BMPR1B: variants seen among roughly 807,000 people sequenced by gnomAD.
The protein encoded by BMPR1B is bone morphogenetic protein receptor type 1B, also known as bone morphogenetic protein receptor type-1B.
A neutral mutation model predicts 59.1 loss-of-function variants in BMPR1B; 12 were observed. That is an observed-to-expected ratio of 0.20 (90% CI 0.13 to 0.33). The LOEUF (loss-of-function observed/expected upper bound fraction) is 0.33, where lower values mean the gene tolerates loss of function less well. Among genes scored for constraint, BMPR1B ranks in the 10% least tolerant of loss-of-function variants. The probability of loss-of-function intolerance (pLI) is 1.00; values close to 1 mark genes in which losing one functional copy is unlikely to be tolerated. For synonymous variants in BMPR1B, 237 were observed against 207.3 expected (o/e 1.14, Z -1.23); for missense variants, 550 against 610.9 (o/e 0.90, Z 1.05).
In BMPR1B at chr4:95,121,564, A is replaced by T. The variant is rs1579113771; in HGVS notation, c.350-2246A>T. 2.0e-5 allele frequency among the ~76,000 whole-genome samples: 3 copies of T among 152,230 alleles called. No individual in the cohort carries two copies. In the East Asian group the frequency reaches 5.8e-4, roughly 29 times the overall value. The stretch of plus-strand genomic sequence containing the variant: ...CACACAAATAAGTAAACAAATAAAA[A>T]ATTTGAATGCAAATGTATGTATGCA... On this transcript the variant is annotated intron_variant, in intron 6 of 12. Transcript: ENST00000515059.
At chr4:94,785,023 T>C (rs558660166) in intron 1 of BMPR1B, among the ~76,000 whole-genome samples, 83 of 152,302 alleles carry the variant, frequency 5.4e-4, no homozygotes, top group Middle Eastern at 3.4e-3. Flanking sequence ...AAAGTTATGC[T>C]ATGGAGCAAA....
chr4:95,109,761 C>G (rs551481033), intron 4 of BMPR1B, among the ~76,000 whole-genome samples: 18 of 151,288 alleles, frequency 1.2e-4, no homozygotes, highest in East Asian at 3.9e-4. Context: ...CAATGTGCAG[C>G]TTTGTTACAT....
intron 11 of BMPR1B, 104 bp from the exon 12 acceptor site, chr4:95,152,539 C>T (rs1301405087): frequency 1.9e-6 from 2 of 1,041,268 alleles, no homozygotes; most frequent in East Asian, 2.8e-5. Context: ...CTGAACTTGT[C>T]TGTAATACTG....
At chr4:94,783,964 T>A (rs1722674389) in intron 1 of BMPR1B, among the ~76,000 whole-genome samples, 1 of 152,138 alleles carries the variant, frequency 6.6e-6, no homozygotes. Context: ...TTCTCTCATA[T>A]CGAGCTGGAG....
chr4:94,957,985 C>G (rs1730219873), intron 2 of BMPR1B, among the ~76,000 whole-genome samples: 1 of 152,018 alleles, frequency 6.6e-6, no homozygotes, highest in Non-Finnish European at 1.5e-5. Flanking sequence ...TATATATATT[C>G]TTAAAAATAT....
chr4:94,923,718 G>T (rs2149027314), intron 2 of BMPR1B, among the ~76,000 whole-genome samples: 1 of 152,190 alleles, frequency 6.6e-6, no homozygotes, highest in South Asian at 2.1e-4. Context: ...GTTCTTGTTG[G>T]AGGTGAAATA....
chr4:94,839,482 T>C (rs964962051), intron 1 of BMPR1B, among the ~76,000 whole-genome samples: 10 of 148,312 alleles, frequency 6.7e-5, no homozygotes, highest in African/African-American at 2.5e-4. Context: ...AGTTAACTCT[T>C]CTTGTTGAAT....
At position 95,156,734 on chromosome 4, in the gene BMPR1B, G is replaced by A. The variant is rs906327676; in HGVS notation, c.*2061G>A. 1 of 152,016 alleles carries A rather than the reference G, an allele frequency of 6.6e-6. No individual in the cohort carries two copies. The highest frequency in any genetic ancestry group is 2.4e-5 in the African/African-American group (1 of 41,398). 9.4% of individuals were successfully genotyped at this position (152,016 alleles called of 1,614,324 possible). ...CTGTAATCAGAACGCTGCTTCAATTGATATTAAAAATAACCTCAATAATAA... is the reference window on the plus strand; with the variant it reads ...CTGTAATCAGAACGCTGCTTCAATTAATATTAAAAATAACCTCAATAATAA... On this transcript the variant is annotated 3_prime_UTR_variant, in exon 13 of 13. Transcript: ENST00000515059.
At chr4:95,061,047 CATT>C (rs1727319935) in intron 3 of BMPR1B, among the ~76,000 whole-genome samples, 1 of 72,112 alleles carries the variant, frequency 1.4e-5, no homozygotes, top group Non-Finnish European at 3.0e-5. Flanking sequence ...TTGTTGTTAT[CATT>C]AACTGGAAAT....
At chr4:94,806,275 A>G (rs529061174) in intron 1 of BMPR1B, among the ~76,000 whole-genome samples, 18 of 152,308 alleles carry the variant, frequency 1.2e-4, no homozygotes, top group African/African-American at 3.6e-4. Flanking sequence ...TCTGCATGTC[A>G]GGCCCAGAAT....
At chr4:94,931,227 T>C (rs1260056702) in intron 2 of BMPR1B, among the ~76,000 whole-genome samples, 1 of 152,128 alleles carries the variant, frequency 6.6e-6, no homozygotes, top group Non-Finnish European at 1.5e-5. Context: ...GGGCCTGTTA[T>C]TTTTATGAAC....
chr4:94,900,790 A>C (rs187592967), intron 2 of BMPR1B, among the ~76,000 whole-genome samples: 3 of 152,122 alleles, frequency 2.0e-5, no homozygotes, highest in African/African-American at 7.2e-5. Context: ...AACTTACCAA[A>C]AAAGGGTATA....
At chr4:94,778,669 C>T (rs1048210612) in intron 1 of BMPR1B, among the ~76,000 whole-genome samples, 13 of 152,130 alleles carry the variant, frequency 8.5e-5, no homozygotes, top group Non-Finnish European at 1.9e-4. Flanking sequence ...TGTACCTCAT[C>T]CTAGTCCATA....
intron 3 of BMPR1B, among the ~76,000 whole-genome samples, chr4:95,052,570 T>A (rs995119935): frequency 7.2e-5 from 11 of 152,014 alleles, no homozygotes; most frequent in Admixed American, 7.2e-4. Context: ...AAAGTTCAGC[T>A]TTATGTACTT....
intron 10 of BMPR1B, among the ~76,000 whole-genome samples, chr4:95,143,603 C>T (rs954892646): frequency 6.6e-6 from 1 of 152,148 alleles, no homozygotes; most frequent in Non-Finnish European, 1.5e-5. Flanking sequence ...CAATGTAGAC[C>T]TCATACTCCA....
intron 10 of BMPR1B, among the ~76,000 whole-genome samples, chr4:95,135,652 G>A (rs1733719161): frequency 6.6e-6 from 1 of 152,072 alleles, no homozygotes; most frequent in South Asian, 2.1e-4. Context: ...CTCATGATTT[G>A]GCTCTCTGTT....
intron 1 of BMPR1B, among the ~76,000 whole-genome samples, chr4:94,795,514 G>C (rs1040872736): frequency 7.2e-5 from 11 of 151,990 alleles, no homozygotes; most frequent in Admixed American, 6.6e-4. Flanking sequence ...GCTCAGGTTG[G>C]AGTGCAGTGG....
At chr4:95,136,814 GTCTT>G (rs1368899611) in intron 10 of BMPR1B, among the ~76,000 whole-genome samples, 1 of 151,608 alleles carries the variant, frequency 6.6e-6, no homozygotes, top group Non-Finnish European at 1.5e-5. Context: ...TTCTTTATTA[GTCTT>G]TCTAGCAGTC....
At chr4:94,882,978 ATGTGTGTGTGTG>A (rs112253431) in intron 2 of BMPR1B, among the ~76,000 whole-genome samples, 24 of 144,570 alleles carry the variant, frequency 1.7e-4, no homozygotes, top group African/African-American at 4.7e-4. Flanking sequence ...GTGTGTGTGT[ATGTGTGTGTGTG>A]TGTGTGTGTG....
Sources: allele counts gnomAD v4.1 joint callset (sites outside exome capture counted in the v4.1 genomes callset), GRCh38; gene constraint gnomAD v4.1.1; transcripts MANE v1.5; gene names NCBI Gene and HGNC (gene_info 2026-07-23, HGNC 2026-07-21).